Variants in COL20A1 observed in about 807,000 individuals in gnomAD.
COL20A1 encodes collagen alpha-1(XX) chain.
In COL20A1, 164 loss-of-function variants were observed where a neutral mutation model predicts 152.9. The observed-to-expected ratio is 1.07, with a 90% CI of 0.94 to 1.22. The LOEUF is 1.22. COL20A1 is among the 50% of genes most tolerant of loss of function. COL20A1 has a pLI of 0.00. For synonymous variants in COL20A1, 864 were observed against 756.0 expected, an observed-to-expected ratio of 1.14 and a Z score of -2.34; for missense variants, 1,873 against 1,744.8, an observed-to-expected ratio of 1.07 and a Z score of -1.31.
rs2067908812 is a variant in COL20A1, at chr20:63,305,280, T to C, written c.194-137T>C. On this transcript the variant is annotated intron_variant, in intron 3 of 35. Transcript: ENST00000358894. This position sits in a 1 kb window ranked among gnomAD's most constrained non-coding sequence, Gnocchi z 4.9. ...AGCCCATGTCCCTTCCATCAGACCC[T>C]CTCCCTTTCTGTCTCTCTGGCTTCA... 3.2e-6 allele frequency: 2 copies of C among 622,258 alleles called. No homozygotes were observed. The highest frequency in any genetic ancestry group is 3.9e-5 in the African/African-American group (2 of 51,928). 38.5% of individuals were successfully genotyped at this position (622,258 alleles called of 1,614,324 possible).
At chr20:63,298,847 A>G (rs2067831325) in intron 3 of COL20A1, among the ~76,000 whole-genome samples, 1 of 152,228 alleles carries the variant, frequency 6.6e-6, no homozygotes, top group Non-Finnish European at 1.5e-5. Flanking sequence ...CATAAATGCT[A>G]ACTGTATGAA....
chr20:63,311,386 C>A lies in COL20A1; in HGVS notation c.1394-8C>A, dbSNP rs374865413. On this transcript the variant is annotated splice_polypyrimidine_tract_variant and splice_region_variant and intron_variant, in intron 11 of 35. Coordinates refer to ENST00000358894, the MANE Select transcript of COL20A1 (RefSeq NM_020882.4). The surrounding 1 kb of genome is among the most constrained non-coding windows in gnomAD (Gnocchi z 4.4). The stretch of plus-strand genomic sequence containing the variant: ...TCCTTCCTAAAGTGTCCCTGCATGG[C>A]CCCCCAGCACCTCTGCCTCCGCCCC... The A allele has an allele frequency of 6.4e-3, 10,053 of 1,573,446 alleles. 41 individuals carry two copies. The highest frequency in any genetic ancestry group is 8.0e-3 in the Non-Finnish European group (9,321 of 1,161,158).
In COL20A1 at chr20:63,311,839, C is replaced by G. The variant is rs1009559436; in HGVS notation, c.1664-77C>G. ...TGGCATGGGAGACCTCAGGCCCCCT[C>G]GGTCCCAGCCACTGCCCACCCTTGC... On this transcript the variant is annotated intron_variant, in intron 13 of 35. Coordinates refer to ENST00000358894, the MANE Select transcript of COL20A1 (RefSeq NM_020882.4). This position sits in a 1 kb window ranked among gnomAD's most constrained non-coding sequence, Gnocchi z 4.4. The G allele has an allele frequency of 5.3e-6, 8 of 1,510,026 alleles. No homozygotes were observed. The highest frequency in any genetic ancestry group is 7.1e-6 in the Non-Finnish European group (8 of 1,130,796). 93.5% of individuals were successfully genotyped at this position (1,510,026 alleles called of 1,614,324 possible). A position where few individuals can be genotyped will look rare whatever the true frequency, so the allele number is the denominator to read the frequency against.
intron 6 of COL20A1, 89 bp downstream of exon 6, chr20:63,307,737 G>A (rs1022957663): frequency 1.8e-4 from 254 of 1,430,390 alleles, no homozygotes; most frequent in Middle Eastern, 5.7e-4. Context: ...GGGGGTCCCC[G>A]TACCAGCCAG....
chr20:63,316,153 C>G (rs980224793), intron 20 of COL20A1, among the ~76,000 whole-genome samples: 1 of 135,222 alleles, frequency 7.4e-6, no homozygotes, highest in Non-Finnish European at 1.6e-5. Flanking sequence ...CCTGGGCGGG[C>G]GGGGGACGCG....
Position 63,326,797 on chromosome 20 carries a change from G to A in COL20A1, c.3502G>A (p.Gly1168Arg). 6.7e-7 allele frequency: 1 copy of A among 1,500,298 alleles called. No individual in the cohort carries two copies. The highest frequency in any genetic ancestry group is 8.8e-7 in the Non-Finnish European group (1 of 1,136,814). The allele number at this position is 1,500,298 out of a possible 1,614,324, so 92.9% of individuals were successfully genotyped here. Residue 1168 changes from glycine to arginine, a missense_variant, in exon 31 of 36, where the codon GGA becomes AGA. Physicochemically the swap from Gly to Arg is moderately radical, Grantham distance 125 (BLOSUM62 -2). Coordinates refer to ENST00000358894, the MANE Select transcript of COL20A1 (RefSeq NM_020882.4). ...GGCCAGGGGCACTAGTGGAGAGCGA[G>A]GACCTCCAGGGACCGTGGGGCCCAC... ...AGARGTSGER[G>R]PPGTVGPTGL...
At position 63,313,957 on chromosome 20, in the gene COL20A1, C is replaced by G. The variant is rs920178166; in HGVS notation, c.2358+66C>G. 4 of 1,590,154 alleles carry G rather than the reference C, an allele frequency of 2.5e-6. No homozygotes were observed. In the Admixed American group the frequency reaches 6.8e-5, roughly 27 times the overall value. ...GCCTCCTGGAAGGGGTATGGCCACA[C>G]TGTCTGCGAAGGGTGGCAGCTCTGC... is the stretch of plus-strand genomic sequence containing the variant. On this transcript the variant is annotated intron_variant, in intron 18 of 35. Coordinates refer to ENST00000358894, the MANE Select transcript of COL20A1 (RefSeq NM_020882.4). This position sits in a 1 kb window ranked among gnomAD's most constrained non-coding sequence, Gnocchi z 5.9.
intron 21 of COL20A1, among the ~76,000 whole-genome samples, chr20:63,317,465 T>TAAA (rs78678381): frequency 2.0e-4 from 23 of 114,552 alleles, no homozygotes; most frequent in Non-Finnish European, 3.4e-4. Context: ...CTCCGTCCCT[T>TAAA]AAAAAAAAAA....
In COL20A1 at chr20:63,313,061, C is replaced by T; in HGVS notation, c.2077-56C>T. Reference sequence around the variant, plus strand: ...CCCAGGGATGCCTCACTGCCCGGCCCCCCAACCTGAGGACCCCACTGCACC... The same window carrying T: ...CCCAGGGATGCCTCACTGCCCGGCCTCCCAACCTGAGGACCCCACTGCACC... On this transcript the variant is annotated intron_variant, in intron 16 of 35. Coordinates refer to ENST00000358894, the MANE Select transcript of COL20A1 (RefSeq NM_020882.4). The surrounding 1 kb of genome is among the most constrained non-coding windows in gnomAD (Gnocchi z 5.9). 6.4e-7 allele frequency: 1 copy of T among 1,570,530 alleles called. No homozygotes were observed. The highest frequency in any genetic ancestry group is 8.6e-7 in the Non-Finnish European group (1 of 1,157,750).
rs561069506 is a variant in COL20A1, at chr20:63,309,530, C to CT, written c.1105+33_1105+34insT. On this transcript the variant is annotated intron_variant, in intron 9 of 35. Transcript: ENST00000358894. ...GCAGGGTCACCCGCACAGGCTGCAG[C>CT]CCCCCCGGCTGCTTTGGGCAAAGGG... is the stretch of plus-strand genomic sequence containing the variant. 604 of 1,455,352 alleles carry CT rather than the reference C, an allele frequency of 4.2e-4. 1 individual carries two copies. Among genetic ancestry groups the CT allele is most frequent in the African/African-American group, 4.1e-3 (285 of 69,982 alleles). The allele number at this position is 1,455,352 out of a possible 1,614,324, so 90.2% of individuals were successfully genotyped here.
rs1345494937 is a variant in COL20A1, at chr20:63,332,853, G to C, written c.*2137G>C. ...CCTGAGGCCCCACCCGCCCCAGCCT[G>C]TGCAGTGGAGCTGAGTACGAATCAA... On this transcript the variant is annotated 3_prime_UTR_variant, in exon 36 of 36. Transcript: ENST00000358894. 1 of 152,250 alleles carries C rather than the reference G, an allele frequency of 6.6e-6. No individual in the cohort carries two copies. Among genetic ancestry groups the C allele is most frequent in the African/African-American group, 2.4e-5 (1 of 41,452 alleles). 9.4% of individuals were successfully genotyped at this position (152,250 alleles called of 1,614,324 possible). A position where few individuals can be genotyped will look rare whatever the true frequency, so the allele number is the denominator to read the frequency against.
chr20:63,297,221 G>A (rs1196902575), intron 2 of COL20A1, among the ~76,000 whole-genome samples: 1 of 152,208 alleles, frequency 6.6e-6, no homozygotes, highest in African/African-American at 2.4e-5. Context: ...ATGGCCACTT[G>A]TCCTGGGGAC....
At chr20:63,317,405 A>C (rs2068098130) in intron 21 of COL20A1, among the ~76,000 whole-genome samples, 1 of 150,890 alleles carries the variant, frequency 6.6e-6, no homozygotes, top group Non-Finnish European at 1.5e-5. Context: ...CGGAGGCTGC[A>C]GTGAGCCAGG....
chr20:63,333,021 T>A lies in COL20A1; in HGVS notation c.*2305T>A, dbSNP rs1162705688. On this transcript the variant is annotated 3_prime_UTR_variant, in exon 36 of 36. Transcript: ENST00000358894. ...CCCGACTCCACCGCATCCCTCTGGG[T>A]CCTTTTAGGAGCCCCCAGGGACTGA... 6.6e-6 allele frequency: 1 copy of A among 152,096 alleles called. No individual in the cohort carries two copies. The highest frequency in any genetic ancestry group is 1.5e-5 in the Non-Finnish European group (1 of 67,986). The allele number at this position is 152,096 out of a possible 1,614,324, so 9.4% of individuals were successfully genotyped here.
At chr20:63,320,230 G>A (rs776039569) in intron 24 of COL20A1, 33 bp downstream of exon 24, 20 of 1,601,880 alleles carry the variant, frequency 1.2e-5, no homozygotes, top group East Asian at 8.9e-5. Context: ...GCTGGGCCAC[G>A]CTGGTGGGGG....
In COL20A1 at chr20:63,332,561, A is replaced by G. The variant is rs1360637584; in HGVS notation, c.*1845A>G. The G allele has an allele frequency of 1.3e-5, 2 of 152,164 alleles. No individual in the cohort carries two copies. Among genetic ancestry groups the G allele is most frequent in the African/African-American group, 4.8e-5 (2 of 41,432 alleles). 9.4% of individuals were successfully genotyped at this position (152,164 alleles called of 1,614,324 possible). A position where few individuals can be genotyped will look rare whatever the true frequency, so the allele number is the denominator to read the frequency against. On this transcript the variant is annotated 3_prime_UTR_variant, in exon 36 of 36. Transcript: ENST00000358894. ...GGAGCCCCTCTCCTGGGGCTCTCCA[A>G]TTTGATGAAGGGACTGGGCACTGGG...
chr20:63,316,523 C>T (rs200499608), intron 20 of COL20A1, 30 bp from the exon 21 acceptor site: 28 of 1,573,784 alleles, frequency 1.8e-5, no homozygotes, highest in Non-Finnish European at 2.1e-5. Flanking sequence ...GAGGGTCCCT[C>T]GGTGCCCCTT....
At chr20:63,307,265 G>A (rs1314961638) in intron 5 of COL20A1, among the ~76,000 whole-genome samples, 1 of 152,250 alleles carries the variant, frequency 6.6e-6, no homozygotes, top group African/African-American at 2.4e-5. Flanking sequence ...GGAGGGCAGA[G>A]GTGCCCGAGC....
chr20:63,311,512 C>G lies in COL20A1; in HGVS notation c.1512C>G (p.Ser504=). The G allele has an allele frequency of 6.3e-7, 1 of 1,589,592 alleles. No homozygotes were observed. The highest frequency in any genetic ancestry group is 8.6e-7 in the Non-Finnish European group (1 of 1,168,580). The change falls in exon 12 of 36, where the codon TCC becomes TCG. Residue 504 remains serine (S), a synonymous_variant. Transcript: ENST00000358894. This position sits in a 1 kb window ranked among gnomAD's most constrained non-coding sequence, Gnocchi z 4.4. ...ACCTGGTGCGATGTTCTCCTGCTTC[C>G]CCCAAGGGTGAAGAGGAGGAGCGAG... The part of the protein sequence containing the change: ...THYLVRCSPA[S]PKGEEEEREV...
Sources: allele counts gnomAD v4.1 joint callset (sites outside exome capture counted in the v4.1 genomes callset), GRCh38; gene constraint gnomAD v4.1.1; non-coding constraint Gnocchi (gnomAD v3.1); transcripts MANE v1.5; gene names NCBI Gene and HGNC (gene_info 2026-07-23, HGNC 2026-07-21).